The following SETMAR variants were observed in gnomAD, a reference collection of about 807,000 sequenced individuals.
SETMAR encodes the protein SET and mariner transposase domain methyltransferase, also known as histone-lysine N-methyltransferase SETMAR.
Under a neutral mutation model 58.4 loss-of-function variants are expected in SETMAR, and 44 were observed. The ratio of observed to expected loss-of-function variants is 0.75; its 90% CI spans 0.59 to 0.97. The LOEUF (loss-of-function observed/expected upper bound fraction) is 0.97. Among genes scored for constraint, SETMAR ranks in the 50% least tolerant of loss-of-function variants. The pLI is 0.00. For missense variants in SETMAR, 903 were observed against 840.2 expected, an observed-to-expected ratio of 1.07 and a Z score of -0.92; for synonymous variants, 332 against 307.4, an observed-to-expected ratio of 1.08 and a Z score of -0.84.
intron 1 of SETMAR, among the ~76,000 whole-genome samples, chr3:4,305,757 C>T (rs1223115460): frequency 6.6e-6 from 1 of 152,096 alleles, no homozygotes. Context: ...AGGCATGACT[C>T]CCCAGGTGCC....
intron 1 of SETMAR, chr3:4,303,742 C>T: frequency 6.7e-7 from 1 of 1,490,974 alleles, no homozygotes; most frequent in Non-Finnish European, 9.0e-7. Flanking sequence ...CTTTTCAGTC[C>T]ATTCCCTGAA....
chr3:4,313,955 T>G, intron 2 of SETMAR, 194 bp downstream of exon 2: 2 of 992,054 alleles, frequency 2.0e-6, no homozygotes, highest in Non-Finnish European at 2.9e-6. Context: ...CCCAGAATAC[T>G]CACTTTCCTA....
At chr3:4,303,589 G>T in intron 1 of SETMAR, 63 bp downstream of exon 1, 2 of 1,377,476 alleles carry the variant, frequency 1.5e-6, no homozygotes, top group East Asian at 3.1e-5. Context: ...GTCTCCTCAA[G>T]CCGCCTCGCT....
chr3:4,312,482 A>G (rs1575081352), intron 1 of SETMAR, among the ~76,000 whole-genome samples: 1 of 152,226 alleles, frequency 6.6e-6, no homozygotes, highest in East Asian at 1.9e-4. Context: ...ATAACATACT[A>G]TTATATACAT....
chr3:4,313,187 A>C lies in SETMAR; in HGVS notation c.446A>C (p.Lys149Thr), dbSNP rs747474497. The change falls in exon 2 of 3, where the codon AAA (lysine) becomes ACA (threonine). Residue 149 changes from lysine to threonine, a missense_variant. Coordinates refer to ENST00000358065, the MANE Select transcript of SETMAR (RefSeq NM_006515.4). ...TTCCAAGTGTTCAAGACGCATAAAA[A>C]AGGCTGGGGACTTCGTACCTTGGAA... is the stretch of plus-strand genomic sequence containing the variant. ...FHFQVFKTHKKGWGLRTLEFI... is the reference protein window; with the variant it reads ...FHFQVFKTHKTGWGLRTLEFI... The C allele has an allele frequency of 1.9e-6, 3 of 1,614,062 alleles. No homozygotes were observed. Among genetic ancestry groups the C allele is most frequent in the Non-Finnish European group, 2.5e-6 (3 of 1,179,980 alleles).
At chr3:4,306,434 GTGAT>G (rs1325690615) in intron 1 of SETMAR, among the ~76,000 whole-genome samples, 1 of 152,148 alleles carries the variant, frequency 6.6e-6, no homozygotes, top group Non-Finnish European at 1.5e-5. Context: ...AGGAAGCTTT[GTGAT>G]TGATTGTTAC....
intron 1 of SETMAR, among the ~76,000 whole-genome samples, chr3:4,304,322 A>C (rs191558637): frequency 1.3e-5 from 2 of 152,226 alleles, no homozygotes; most frequent in South Asian, 2.1e-4. Context: ...TTGTATTTTT[A>C]GTAGAGACAG....
intron 1 of SETMAR, among the ~76,000 whole-genome samples, chr3:4,305,438 A>G (rs1698152211): frequency 6.6e-6 from 1 of 152,172 alleles, no homozygotes; most frequent in Non-Finnish European, 1.5e-5. Flanking sequence ...CTGACTTCAG[A>G]GGGAGCAGGT....
At chr3:4,303,867 A>C (rs1281628969) in intron 1 of SETMAR, 1 of 1,301,446 alleles carries the variant, frequency 7.7e-7, no homozygotes, top group African/African-American at 1.5e-5. Context: ...TGTCTCTCAC[A>C]GGTAGGATAA....
rs754790086 is a variant in SETMAR at position 4,313,051 on chromosome 3, G to C, written c.310G>C (p.Asp104His). The change falls in exon 2 of 3, where the codon GAT becomes CAT. Residue 104 changes from aspartate (D) to histidine (H), a missense_variant. Coordinates refer to ENST00000358065, the MANE Select transcript of SETMAR (RefSeq NM_006515.4). ...ENYDDNSCLR[D>H]IGSGGKYAEP... The stretch of plus-strand genomic sequence containing the variant: ...CTATGATGATAACTCATGCCTTAGA[G>C]ATATAGGATCTGGAGGAAAGTATGC... 1.2e-6 allele frequency: 2 copies of C among 1,613,942 alleles called. No individual in the cohort carries two copies. The highest frequency in any genetic ancestry group is 3.3e-5 in the Admixed American group (2 of 59,956).
intron 1 of SETMAR, among the ~76,000 whole-genome samples, chr3:4,306,820 G>C (rs1698208544): frequency 6.6e-6 from 1 of 152,198 alleles, no homozygotes; most frequent in Non-Finnish European, 1.5e-5. Flanking sequence ...TTTGCCTTTG[G>C]CTACTGTGTG....
In SETMAR at chr3:4,313,422, G is replaced by A. The variant is rs112513427; in HGVS notation, c.681G>A (p.Glu227=). The A allele has an allele frequency of 9.9e-6, 16 of 1,613,988 alleles. 1 individual carries two copies. In the African/African-American group the frequency reaches 1.5e-4, roughly 15 times the overall value. ...GAAGATTCCTTAATCATTCTTGTGA[G>A]CCAAACCTTTTGATGATTCCTGTCC... The part of the protein sequence containing the change: ...NIGRFLNHSC[E]PNLLMIPVRI... The change falls in exon 2 of 3, where the codon GAG becomes GAA. Residue 227 remains glutamate (E), a synonymous_variant. Coordinates refer to ENST00000358065, the MANE Select transcript of SETMAR (RefSeq NM_006515.4).
chr3:4,313,710 G>A lies in SETMAR; in HGVS notation c.969G>A (p.Met323Ile), dbSNP rs1297157598. 1 of 1,614,046 alleles carries A rather than the reference G, an allele frequency of 6.2e-7. No homozygotes were observed. Among genetic ancestry groups the A allele is most frequent in the Admixed American group, 1.7e-5 (1 of 59,980 alleles). The change falls in exon 2 of 3, where the codon ATG becomes ATA. Residue 323 changes from methionine to isoleucine, a missense_variant. Transcript: ENST00000358065. The part of the protein sequence containing the change: ...ISCGNEKEPS[M>I]CGSAPSVFPS... ...GTGGAAATGAGAAGGAACCCAGCAT[G>A]TGTGGCTCAGCCCCTTCTGTGTTCC...
At chr3:4,315,897 ATTAG>A (rs1249159747) in intron 2 of SETMAR, among the ~76,000 whole-genome samples, 3 of 151,826 alleles carry the variant, frequency 2.0e-5, no homozygotes, top group Admixed American at 6.6e-5. Context: ...AAATACAAAA[ATTAG>A]TTAGATGTGG....
intron 1 of SETMAR, 86 bp downstream of exon 1, chr3:4,303,612 C>T (rs1698045174): frequency 7.3e-7 from 1 of 1,377,460 alleles, no homozygotes; most frequent in South Asian, 1.7e-5. Context: ...GACGGCCTCC[C>T]AGTCGCGACC....
chr3:4,303,658 G>T (rs953967069), intron 1 of SETMAR, 132 bp downstream of exon 1: 2 of 1,442,522 alleles, frequency 1.4e-6, no homozygotes, highest in East Asian at 2.9e-5. Context: ...GTTGGTGCGC[G>T]GGAATAGGTG....
In SETMAR at chr3:4,312,677, G is replaced by A. The variant is rs78456620; in HGVS notation, c.157-221G>A. On this transcript the variant is annotated intron_variant, in intron 1 of 2. Coordinates refer to ENST00000358065, the MANE Select transcript of SETMAR (RefSeq NM_006515.4). ...TGATCACAGCACTGCACTCCAGCCT[G>A]TGCAACAGAGCAAGACCCTGTCTCT... Among the ~76,000 whole-genome samples, 12 of 147,180 alleles carry A rather than the reference G, an allele frequency of 8.2e-5. No homozygotes were observed. In the East Asian group the frequency reaches 2.4e-3, roughly 29 times the overall value.
In SETMAR at chr3:4,316,307, C is replaced by T. The variant is rs1379012715; in HGVS notation, c.1116C>T (p.Ile372=). The T allele has an allele frequency of 8.8e-7, 1 of 1,136,256 alleles. No homozygotes were observed. The highest frequency in any genetic ancestry group is 2.6e-5 in the East Asian group (1 of 39,184). 70.4% of individuals were successfully genotyped at this position (1,136,256 alleles called of 1,614,324 possible). ...GRKAAETTRN[I]NNAFGPGTAN... ...AAGCAGCAGAAACAACTCGCAACAT[C>T]AACAATGCATTTGGCCCAGGAACTG... is the stretch of plus-strand genomic sequence containing the variant. The change falls in exon 3 of 3, where the codon ATC becomes ATT. Residue 372 remains isoleucine (I), a synonymous_variant. Coordinates refer to ENST00000358065, the MANE Select transcript of SETMAR (RefSeq NM_006515.4).
In SETMAR at chr3:4,313,580, A is replaced by C. The variant is rs147660545; in HGVS notation, c.839A>C (p.His280Pro). The C allele has an allele frequency of 1.5e-5, 24 of 1,613,840 alleles. 1 individual carries two copies. Among genetic ancestry groups the C allele is most frequent in the Non-Finnish European group, 2.0e-5 (24 of 1,179,858 alleles). ...AGTGAAGACAAAGAAAGGCTAGATCATGGGAAACTAAGGAAACCTTGTTAC... is the reference window on the plus strand; with the variant it reads ...AGTGAAGACAAAGAAAGGCTAGATCCTGGGAAACTAAGGAAACCTTGTTAC... ...TVSEDKERLD[H>P]GKLRKPCYCG... Residue 280 changes from histidine to proline, a missense_variant, in exon 2 of 3, where the codon CAT (histidine) becomes CCT (proline). Physicochemically the swap from His to Pro is moderately conservative, Grantham distance 77 (BLOSUM62 -2). Transcript: ENST00000358065.
Sources: allele counts gnomAD v4.1 joint callset (sites outside exome capture counted in the v4.1 genomes callset), GRCh38; gene constraint gnomAD v4.1.1; transcripts MANE v1.5; gene names NCBI Gene and HGNC (gene_info 2026-07-23, HGNC 2026-07-21).